The following TRIM66 variants were observed in gnomAD, a reference collection of about 807,000 sequenced individuals.
TRIM66 encodes tripartite motif containing 66, also known as tripartite motif-containing protein 66.
A neutral mutation model predicts 148.2 loss-of-function variants in TRIM66; 99 were observed. The observed-to-expected ratio is 0.67, with a 90% CI of 0.57 to 0.79. The LOEUF (loss-of-function observed/expected upper bound fraction) is 0.79, where lower values mean the gene tolerates loss of function less well. Ranked by LOEUF, TRIM66 falls within the 30% of genes least tolerant of loss-of-function variation. The pLI is 0.00. For synonymous variants in TRIM66, 616 were observed against 635.9 expected (o/e 0.97, Z 0.47); for missense variants, 1,666 against 1,697.9 (o/e 0.98, Z 0.33).
chr11:8,677,541 G>A (rs986748946), intron 3 of TRIM66, among the ~76,000 whole-genome samples: 5 of 152,140 alleles, frequency 3.3e-5, no homozygotes, highest in African/African-American at 7.2e-5. Flanking sequence ...TGCTTTGGGA[G>A]GGCGAGGTAG....
Position 8,624,508 on chromosome 11 carries a change from T to G in TRIM66, c.2870A>C (p.Gln957Pro), listed in dbSNP as rs774752779. 31 of 1,546,030 alleles carry G rather than the reference T, an allele frequency of 2.0e-5. No homozygotes were observed. Among genetic ancestry groups the G allele is most frequent in the Non-Finnish European group, 2.7e-5 (31 of 1,145,588 alleles). The change falls in exon 17 of 25, where the codon CAA (glutamine) becomes CCA (proline). Residue 957 changes from glutamine (Q) to proline (P), a missense_variant. Physicochemically the swap from Gln to Pro is moderately conservative, Grantham distance 76. This residue lies in a region of TRIM66 where 1,431 missense variants were observed against 1,412.4 expected (regional missense o/e 1.01). Coordinates refer to ENST00000646038, the MANE Select transcript of TRIM66 (RefSeq NM_001388022.1). Reference protein sequence around the residue: ...DSTRFTDLLGQGPIVPGLDAP... With the variant: ...DSTRFTDLLGPGPIVPGLDAP... ...ATCCAGACCGGGGACTATGGGACCT[T>G]GTCCCAGTAAGTCAGTGAAGCGAGT... is the stretch of plus-strand genomic sequence containing the variant.
At chr11:8,663,821 T>C (rs1336645386) in intron 6 of TRIM66, among the ~76,000 whole-genome samples, 1 of 152,186 alleles carries the variant, frequency 6.6e-6, no homozygotes, top group African/African-American at 2.4e-5. Flanking sequence ...ACCTGTCATT[T>C]GTGACAACAT....
In TRIM66 at chr11:8,617,952, G is replaced by A. The variant is rs2033827599; in HGVS notation, c.4171C>T (p.Gln1391Ter). The A allele has an allele frequency of 2.6e-6, 4 of 1,551,666 alleles. No homozygotes were observed. Among genetic ancestry groups the A allele is most frequent in the South Asian group, 1.2e-5 (1 of 84,046 alleles). Reference sequence around the variant, plus strand: ...CAGTCTCCTTTTGGCTCTCACACCTGAGAGATGCTGTTGGCCAGGCGAAAT... The same window carrying A: ...CAGTCTCCTTTTGGCTCTCACACCTAAGAGATGCTGTTGGCCAGGCGAAAT... ...MSFRLANSIS[Q>*]V Residue 1391 changes from glutamine (Q) to a stop codon, truncating the protein, a stop_gained, in exon 25 of 25, where the codon CAG (glutamine) becomes TAG (stop). Transcript: ENST00000646038. LOFTEE classifies it high-confidence loss of function.
intron 3 of TRIM66, among the ~76,000 whole-genome samples, chr11:8,677,129 T>G (rs1442450910): frequency 2.0e-5 from 3 of 152,164 alleles, no homozygotes; most frequent in African/African-American, 7.2e-5. Flanking sequence ...TTTCAAAGAT[T>G]GTTTGCATGA....
At chr11:8,619,799 C>G (rs1186838864) in intron 22 of TRIM66, among the ~76,000 whole-genome samples, 1 of 152,164 alleles carries the variant, frequency 6.6e-6, no homozygotes, top group Non-Finnish European at 1.5e-5. Context: ...GCCCTACGGT[C>G]CCCTGGACTA....
At chr11:8,626,059 C>T (rs534388031) in intron 15 of TRIM66, among the ~76,000 whole-genome samples, 23 of 152,286 alleles carry the variant, frequency 1.5e-4, no homozygotes, top group African/African-American at 4.8e-4. Flanking sequence ...TATTTTCTTA[C>T]ATCTGAGGAG....
Position 8,682,483 on chromosome 11 carries a change from G to C in TRIM66, c.-548+118C>G. 3.4e-5 allele frequency: 15 copies of C among 444,400 alleles called. No individual in the cohort carries two copies. The South Asian group carries it at 3.7e-4, about 11-fold the overall frequency. The allele number at this position is 444,400 out of a possible 1,614,324, so 27.5% of individuals were successfully genotyped here. On this transcript the variant is annotated intron_variant, in intron 1 of 24. Transcript: ENST00000646038. ...TTAGGGTCGGCTTAGGCGGTTCCCT[G>C]ACCAAGGCGCCAGAAAAGGGCCTGG...
chr11:8,644,485 C>G, intron 12 of TRIM66: 1 of 444,638 alleles, frequency 2.2e-6, no homozygotes, highest in East Asian at 7.0e-5. Context: ...CAACTTGTAT[C>G]CCTTCTACCC....
chr11:8,642,476 A>G (rs1470772176), intron 13 of TRIM66, among the ~76,000 whole-genome samples: 1 of 152,182 alleles, frequency 6.6e-6, no homozygotes, highest in Admixed American at 6.5e-5. Context: ...CTGCCTAAAG[A>G]CTGAATGCCA....
At chr11:8,668,335 T>A (rs1260093735) in intron 6 of TRIM66, among the ~76,000 whole-genome samples, 7 of 151,406 alleles carry the variant, frequency 4.6e-5, no homozygotes, top group African/African-American at 1.2e-4. Flanking sequence ...ATGCTGGAAC[T>A]TTTTTTTTCA....
chr11:8,633,030 G>A (rs953186404), intron 15 of TRIM66, among the ~76,000 whole-genome samples: 14 of 152,144 alleles, frequency 9.2e-5, no homozygotes, highest in African/African-American at 3.1e-4. Context: ...AGGAGTAAGT[G>A]GATTCTAGTA....
In TRIM66 at chr11:8,624,555, T is replaced by A. The variant is rs1251027072; in HGVS notation, c.2827-4A>T. 2 of 1,521,972 alleles carry A rather than the reference T, an allele frequency of 1.3e-6. No individual in the cohort carries two copies. Among genetic ancestry groups the A allele is most frequent in the Non-Finnish European group, 1.8e-6 (2 of 1,135,134 alleles). The allele number at this position is 1,521,972 out of a possible 1,614,324, so 94.3% of individuals were successfully genotyped here. A position where few individuals can be genotyped will look rare whatever the true frequency, so the allele number is the denominator to read the frequency against. On this transcript the variant is annotated splice_polypyrimidine_tract_variant and splice_region_variant and intron_variant, in intron 16 of 24. Transcript: ENST00000646038. Reference sequence around the variant, plus strand: ...GAGTGGAATCCTCACTTTCCATCTTTCAAAAGTGAAATGTCGACAAGAATC... The same window carrying A: ...GAGTGGAATCCTCACTTTCCATCTTACAAAAGTGAAATGTCGACAAGAATC...
chr11:8,680,412 T>C (rs1441404617), intron 1 of TRIM66, among the ~76,000 whole-genome samples: 1 of 152,000 alleles, frequency 6.6e-6, no homozygotes, highest in Non-Finnish European at 1.5e-5. Flanking sequence ...AAGGAAGGTG[T>C]TGTAAACTCC....
chr11:8,624,975 G>A lies in TRIM66; in HGVS notation c.2564C>T (p.Thr855Ile). 1.3e-6 allele frequency: 2 copies of A among 1,551,728 alleles called. No individual in the cohort carries two copies. Among genetic ancestry groups the A allele is most frequent in the Non-Finnish European group, 8.7e-7 (1 of 1,146,998 alleles). Reference sequence around the variant, plus strand: ...TATCAGGTTGGGCATGGACTGGAATGTGCTATGCACAAGGCTGGGCACAGT... The same window carrying A: ...TATCAGGTTGGGCATGGACTGGAATATGCTATGCACAAGGCTGGGCACAGT... ...LQTVPSLVHS[T>I]FQSMPNLISD... Residue 855 changes from threonine to isoleucine, a missense_variant, in exon 16 of 25, where the codon ACA (threonine) becomes ATA (isoleucine). Physicochemically the swap from Thr to Ile is moderately conservative, Grantham distance 89 (BLOSUM62 -1). Around this residue, in one of 3 missense-constraint regions of TRIM66, gnomAD observed 1,431 missense variants for 1,412.4 expected, o/e 1.01. Transcript: ENST00000646038.
At chr11:8,681,535 G>C (rs1424540417) in intron 1 of TRIM66, among the ~76,000 whole-genome samples, 1 of 152,160 alleles carries the variant, frequency 6.6e-6, no homozygotes, top group African/African-American at 2.4e-5. Flanking sequence ...GAATAACTGA[G>C]GGGATGGGAT....
intron 15 of TRIM66, among the ~76,000 whole-genome samples, chr11:8,634,765 G>T (rs188712893): frequency 6.6e-6 from 1 of 152,104 alleles, no homozygotes; most frequent in African/African-American, 2.4e-5. Flanking sequence ...TTCCACCATC[G>T]GCTCACATAG....
At position 8,615,713 on chromosome 11, in the gene TRIM66, C is replaced by T. The variant is rs1250796829; in HGVS notation, c.*2231G>A. The T allele has an allele frequency of 2.0e-5, 3 of 152,172 alleles. No individual in the cohort carries two copies. The highest frequency in any genetic ancestry group is 4.8e-5 in the African/African-American group (2 of 41,430). The allele number at this position is 152,172 out of a possible 1,614,324, so 9.4% of individuals were successfully genotyped here. ...GAGCATGTGTCTCTCTAGCACATTA[C>T]TAAGACCCCCTCTGGCCCAGCAAGC... On this transcript the variant is annotated 3_prime_UTR_variant, in exon 25 of 25. Coordinates refer to ENST00000646038, the MANE Select transcript of TRIM66 (RefSeq NM_001388022.1).
chr11:8,618,826 C>A lies in TRIM66; in HGVS notation c.4043G>T (p.Cys1348Phe), dbSNP rs1176438137. The change falls in exon 24 of 25, where the codon TGT becomes TTT. Residue 1348 changes from cysteine (C) to phenylalanine (F), a missense_variant. By Grantham distance (205) the Cys-to-Phe change is radical (BLOSUM62 -2). Around this residue, in one of 3 missense-constraint regions of TRIM66, gnomAD observed 204 missense variants for 231.0 expected, o/e 0.88. Transcript: ENST00000646038. ...CCACGGGAAGCCCTGGGGAGTGGAA[C>A]ATCCACTCTCACTAGACACCTCCTC... is the stretch of plus-strand genomic sequence containing the variant. Reference protein sequence around the residue: ...DSEEVSSESGCSTPQGFPWPP... With the variant: ...DSEEVSSESGFSTPQGFPWPP... The A allele has an allele frequency of 6.4e-7, 1 of 1,551,284 alleles. No homozygotes were observed. The highest frequency in any genetic ancestry group is 1.4e-5 in the African/African-American group (1 of 72,986).
chr11:8,640,649 T>C lies in TRIM66; in HGVS notation c.1726A>G (p.Thr576Ala). 1.9e-6 allele frequency: 3 copies of C among 1,551,532 alleles called. No individual in the cohort carries two copies. The highest frequency in any genetic ancestry group is 2.4e-5 in the East Asian group (1 of 40,900). ...QGAHAQPTLQTPSIQVQFGHH... is the reference protein window; with the variant it reads ...QGAHAQPTLQAPSIQVQFGHH... ...CCAAACTGGACTTGGATAGAGGGTG[T>C]CTGTAAGGTGGGCTGGGCATGGGCT... is the stretch of plus-strand genomic sequence containing the variant. The change falls in exon 14 of 25, where the codon ACA becomes GCA. Residue 576 changes from threonine to alanine, a missense_variant. By Grantham distance (58) the Thr-to-Ala change is moderately conservative. Transcript: ENST00000646038.
Sources: gnomAD v4.1 joint callset for allele counts (sites outside exome capture counted in the v4.1 genomes callset) on GRCh38, gnomAD v4.1.1 for gene constraint, gnomAD v4.1.1 regional missense constraint, MANE v1.5 for transcripts, NCBI Gene and HGNC (gene_info 2026-07-23, HGNC 2026-07-21) for gene names.